Variants in AKT3 observed in about 807,000 individuals in gnomAD.
AKT3 encodes AKT serine/threonine kinase 3, also known as RAC-gamma serine/threonine-protein kinase.
In AKT3, 15 loss-of-function variants were observed where a neutral mutation model predicts 65.3. The observed-to-expected ratio is 0.23, with a 90% CI of 0.15 to 0.35. The LOEUF (loss-of-function observed/expected upper bound fraction) is 0.35, where lower values mean the gene tolerates loss of function less well. AKT3 is among the 10% of genes least tolerant of loss of function. The probability of loss-of-function intolerance (pLI) is 1.00; values close to 1 mark genes in which losing one functional copy is unlikely to be tolerated. For synonymous variants in AKT3, 206 were observed against 183.8 expected, an observed-to-expected ratio of 1.12 and a Z score of -0.98; for missense variants, 243 against 576.5, an observed-to-expected ratio of 0.42 and a Z score of 5.92.
At chr1:243,805,468 TCTC>T (rs1692665921) in intron 2 of AKT3, among the ~76,000 whole-genome samples, 1 of 152,190 alleles carries the variant, frequency 6.6e-6, no homozygotes, top group Non-Finnish European at 1.5e-5. Context: ...ACTTTATTGC[TCTC>T]CTACTTTTCA....
At chr1:243,639,724 T>C (rs979514676) in intron 5 of AKT3, among the ~76,000 whole-genome samples, 2 of 152,184 alleles carry the variant, frequency 1.3e-5, no homozygotes, top group African/African-American at 4.8e-5. Context: ...CCACCCCTTG[T>C]TTAGCATATG....
At chr1:243,781,371 G>A (rs905740531) in intron 2 of AKT3, among the ~76,000 whole-genome samples, 8 of 152,056 alleles carry the variant, frequency 5.3e-5, no homozygotes, top group Admixed American at 5.2e-4. Context: ...GGAAGCGTTG[G>A]TTCATTTTGT....
intron 9 of AKT3, among the ~76,000 whole-genome samples, chr1:243,568,119 T>TTTTGTAAGATCTTACAAAAGAAGAGATC (rs1156511936): frequency 3.9e-5 from 6 of 152,218 alleles, no homozygotes; most frequent in Non-Finnish European, 2.9e-5. Flanking sequence ...ATGATCTTTC[T>TTTTGTAAGATCTTACAAAAGAAGAGATC]TTAGTCTTCT....
intron 8 of AKT3, among the ~76,000 whole-genome samples, chr1:243,595,914 T>C (rs1466597711): frequency 1.3e-5 from 2 of 152,232 alleles, no homozygotes; most frequent in Non-Finnish European, 2.9e-5. Context: ...AACACAGTCA[T>C]GTACTATCAC....
At chr1:243,672,295 A>G (rs1193470723) in intron 3 of AKT3, among the ~76,000 whole-genome samples, 1 of 152,202 alleles carries the variant, frequency 6.6e-6, no homozygotes, top group Admixed American at 6.5e-5. Flanking sequence ...GGGTTCTTTC[A>G]CTGCTGGCTC....
chr1:243,672,434 T>C (rs1031910743), intron 3 of AKT3, among the ~76,000 whole-genome samples: 1 of 152,194 alleles, frequency 6.6e-6, no homozygotes, highest in African/African-American at 2.4e-5. Context: ...ACCATTTGCG[T>C]TTTATCACCC....
intron 2 of AKT3, among the ~76,000 whole-genome samples, chr1:243,776,821 T>C (rs749833292): frequency 3.9e-5 from 6 of 152,206 alleles, no homozygotes; most frequent in Non-Finnish European, 5.9e-5. Flanking sequence ...TCATGAGTTG[T>C]GCTAAGTGCA....
At chr1:243,665,082 C>T (rs1243251623) in intron 3 of AKT3, among the ~76,000 whole-genome samples, 199 bp from the exon 4 acceptor site, 1 of 152,158 alleles carries the variant, frequency 6.6e-6, no homozygotes, top group East Asian at 1.9e-4. Context: ...CATTAACCAC[C>T]TCAACTGGAC....
intron 8 of AKT3, among the ~76,000 whole-genome samples, chr1:243,579,165 G>T (rs1434321170): frequency 2.0e-5 from 3 of 152,184 alleles, no homozygotes; most frequent in Non-Finnish European, 4.4e-5. Flanking sequence ...TAAAGGAAAA[G>T]AATGGGAATG....
At chr1:243,849,180 G>A (rs1047952315) in intron 1 of AKT3, among the ~76,000 whole-genome samples, 1 of 152,244 alleles carries the variant, frequency 6.6e-6, no homozygotes, top group East Asian at 1.9e-4. Context: ...GCGGACCGAT[G>A]CGCCGGAGGA....
chr1:243,746,393 T>C (rs1688473797), intron 2 of AKT3, among the ~76,000 whole-genome samples: 1 of 152,226 alleles, frequency 6.6e-6, no homozygotes, highest in Admixed American at 6.5e-5. Flanking sequence ...TAAATGTTTT[T>C]TCCCCTAAAT....
chr1:243,561,478 A>G (rs1673769887), intron 10 of AKT3, among the ~76,000 whole-genome samples: 1 of 152,144 alleles, frequency 6.6e-6, no homozygotes, highest in Non-Finnish European at 1.5e-5. Context: ...TTACACTTCT[A>G]CCACCTCTTA....
intron 2 of AKT3, among the ~76,000 whole-genome samples, chr1:243,840,761 C>G (rs1572439979): frequency 6.6e-6 from 1 of 151,028 alleles, no homozygotes; most frequent in South Asian, 2.1e-4. Flanking sequence ...GAGACAATGT[C>G]TGAACACTCT....
intron 1 of AKT3, 25 bp downstream of exon 1, chr1:243,850,007 GAGGGGGCT>G: frequency 1.0e-6 from 1 of 983,904 alleles, no homozygotes; most frequent in African/African-American, 1.7e-5. Flanking sequence ...GCCAGGCGGG[GAGGGGGCT>G]AGAGTTGGGG....
intron 2 of AKT3, among the ~76,000 whole-genome samples, chr1:243,802,466 T>G (rs1049914584): frequency 1.3e-5 from 2 of 152,184 alleles, no homozygotes; most frequent in East Asian, 3.9e-4. Context: ...AAAATTTTAT[T>G]GAACATAAAT....
At chr1:243,597,429 A>C (rs764246507) in intron 8 of AKT3, among the ~76,000 whole-genome samples, 3 of 152,024 alleles carry the variant, frequency 2.0e-5, no homozygotes, top group African/African-American at 4.8e-5. Flanking sequence ...AGTGGTTTTT[A>C]TCTTCTGTTT....
Position 243,771,323 on chromosome 1 carries a change from T to C in AKT3, c.46+71802A>G, listed in dbSNP as rs191928353. Among the ~76,000 whole-genome samples the C allele has an allele frequency of 6.2e-3, 940 of 152,256 alleles. 14 individuals are homozygous for C. Among genetic ancestry groups the C allele is most frequent in the Middle Eastern group, 0.014 (4 of 294 alleles). ...ATGTTTGCCTCCCTCCTAAACTACC[T>C]TCTCATTGAGGGCACAGACCATGTG... On this transcript the variant is annotated intron_variant, in intron 2 of 13. Coordinates refer to ENST00000673466, the MANE Select transcript of AKT3 (RefSeq NM_005465.7).
chr1:243,747,182 T>C (rs368504817), intron 2 of AKT3, among the ~76,000 whole-genome samples: 1 of 152,074 alleles, frequency 6.6e-6, no homozygotes, highest in African/African-American at 2.4e-5. Context: ...TAAATAAACT[T>C]ACTGTTCCTA....
intron 12 of AKT3, among the ~76,000 whole-genome samples, chr1:243,524,185 G>A (rs539151018): frequency 6.6e-6 from 1 of 152,316 alleles, no homozygotes; most frequent in African/African-American, 2.4e-5. Context: ...GAACCACTGT[G>A]GTATATGCGG....
Sources: gnomAD v4.1 joint callset for allele counts (sites outside exome capture counted in the v4.1 genomes callset) on GRCh38, gnomAD v4.1.1 for gene constraint, MANE v1.5 for transcripts, NCBI Gene and HGNC (gene_info 2026-07-23, HGNC 2026-07-21) for gene names.